PPP1R12A: variants seen among roughly 807,000 people sequenced by gnomAD.
PPP1R12A encodes the protein myosin binding subunit.
PPP1R12A carries 19 observed loss-of-function variants against 139.6 expected under a neutral mutation model. The observed-to-expected ratio is 0.14, with a 90% CI of 0.09 to 0.20. The LOEUF is 0.20. Ranked by LOEUF, PPP1R12A falls within the 10% of genes least tolerant of loss-of-function variation. The probability of loss-of-function intolerance (pLI) is 1.00; values close to 1 mark genes in which losing one functional copy is unlikely to be tolerated. For synonymous variants in PPP1R12A, 427 were observed against 420.6 expected, an observed-to-expected ratio of 1.02 and a Z score of -0.19; for missense variants, 925 against 1,211.5, an observed-to-expected ratio of 0.76 and a Z score of 3.51.
chr12:79,816,988 C>T (rs992714893), intron 9 of PPP1R12A, among the ~76,000 whole-genome samples: 4 of 151,622 alleles, frequency 2.6e-5, no homozygotes, highest in African/African-American at 9.7e-5. Flanking sequence ...TGTAATTTAC[C>T]CGTGTGTGAA....
intron 1 of PPP1R12A, among the ~76,000 whole-genome samples, chr12:79,916,584 CT>C (rs1887012938): frequency 6.6e-6 from 1 of 152,106 alleles, no homozygotes; most frequent in South Asian, 2.1e-4. Context: ...TTATACTTAG[CT>C]TTTCTCTGAA....
chr12:79,914,933 T>C (rs373558234), intron 1 of PPP1R12A, among the ~76,000 whole-genome samples: 3 of 152,244 alleles, frequency 2.0e-5, no homozygotes, highest in African/African-American at 4.8e-5. Flanking sequence ...ATATAGTACC[T>C]GATTCTAATT....
At chr12:79,919,041 G>A (rs1033625791) in intron 1 of PPP1R12A, among the ~76,000 whole-genome samples, 5 of 152,004 alleles carry the variant, frequency 3.3e-5, no homozygotes, top group Admixed American at 2.6e-4. Context: ...ACTTGAACCG[G>A]GGAGGCAGAG....
intron 21 of PPP1R12A, chr12:79,787,273 A>C (rs1397093422): frequency 6.6e-6 from 1 of 152,196 alleles, no homozygotes; most frequent in Non-Finnish European, 1.5e-5. Flanking sequence ...ATGGCCTATA[A>C]GGCACTGCAT....
intron 2 of PPP1R12A, among the ~76,000 whole-genome samples, chr12:79,856,459 T>C (rs1880669082): frequency 6.6e-6 from 1 of 152,260 alleles, no homozygotes; most frequent in Non-Finnish European, 1.5e-5. Context: ...TGCATATTTA[T>C]TTATCCATCC....
intron 2 of PPP1R12A, among the ~76,000 whole-genome samples, chr12:79,850,915 T>G (rs1267103785): frequency 6.6e-6 from 1 of 152,188 alleles, no homozygotes; most frequent in African/African-American, 2.4e-5. Flanking sequence ...TTCCTGAGGC[T>G]TCCCCTGCCA....
At chr12:79,778,501 A>C (rs1287364021) in intron 24 of PPP1R12A, 49 bp downstream of exon 24, 1 of 1,262,918 alleles carries the variant, frequency 7.9e-7, no homozygotes, top group Non-Finnish European at 1.1e-6. Flanking sequence ...TATTTTAAAC[A>C]TTAATACATA....
At chr12:79,813,295 C>T (rs991960958) in intron 9 of PPP1R12A, among the ~76,000 whole-genome samples, 1 of 152,248 alleles carries the variant, frequency 6.6e-6, no homozygotes, top group East Asian at 1.9e-4. Context: ...ACAAGGTTTA[C>T]AAGCCCTTCT....
intron 18 of PPP1R12A, 28 bp from the exon 19 acceptor site, chr12:79,793,956 T>C: frequency 2.0e-6 from 3 of 1,484,604 alleles, no homozygotes; most frequent in Non-Finnish European, 2.7e-6. Flanking sequence ...ATTTATATTT[T>C]AGGAAATTTT....
chr12:79,915,058 CCTT>C (rs1039487981), intron 1 of PPP1R12A, among the ~76,000 whole-genome samples: 2 of 152,046 alleles, frequency 1.3e-5, no homozygotes, highest in Non-Finnish European at 2.9e-5. Flanking sequence ...TGCACAAAAT[CCTT>C]CTACCATTTT....
At position 79,809,802 on chromosome 12, in the gene PPP1R12A, T is replaced by G. The variant is rs777636778; in HGVS notation, c.1448A>C (p.Lys483Thr). The change falls in exon 10 of 25, where the codon AAA (lysine) becomes ACA (threonine). Residue 483 changes from lysine (K) to threonine (T), a missense_variant. By Grantham distance (78) the Lys-to-Thr change is moderately conservative (BLOSUM62 -1). This residue lies in a region of PPP1R12A where 403 missense variants were observed against 463.7 expected (regional missense o/e 0.87). Coordinates refer to ENST00000450142, the MANE Select transcript of PPP1R12A (RefSeq NM_002480.3). Reference protein sequence around the residue: ...SPRLSSSLDNKEKEKDSKGTR... With the variant: ...SPRLSSSLDNTEKEKDSKGTR... ...GACTGTGAAATAGATTACCTTTTCT[T>G]TATTATCCAAAGAGGAGGAAAGTCT... 2 of 1,609,790 alleles carry G rather than the reference T, an allele frequency of 1.2e-6. No homozygotes were observed. The highest frequency in any genetic ancestry group is 1.7e-6 in the Non-Finnish European group (2 of 1,176,850).
intron 1 of PPP1R12A, among the ~76,000 whole-genome samples, chr12:79,913,091 T>A (rs1348225780): frequency 1.3e-5 from 2 of 152,260 alleles, no homozygotes; most frequent in African/African-American, 4.8e-5. Context: ...AATTTGCATT[T>A]CTCTGGTGAA....
chr12:79,824,924 A>T, intron 5 of PPP1R12A: 1 of 152,192 alleles, frequency 6.6e-6, no homozygotes, highest in East Asian at 1.9e-4. Flanking sequence ...TAGAGACATT[A>T]TAAGTCTAAC....
At chr12:79,787,713 T>C (rs1871298090) in intron 21 of PPP1R12A, 1 of 152,348 alleles carries the variant, frequency 6.6e-6, no homozygotes, top group Non-Finnish European at 1.5e-5. Flanking sequence ...GGTTTCTTCA[T>C]GTTGGTCAGG....
chr12:79,797,387 T>C lies in PPP1R12A; in HGVS notation c.2100A>G (p.Thr700=). ...RQSRRSTQGV[T]LTDLQEAEKT... The stretch of plus-strand genomic sequence containing the variant: ...TCTCAGCTTCTTGAAGATCAGTTAA[T>C]GTCACTCCCTGCACACACAAAAAGA... The change falls in exon 16 of 25, where the codon ACA becomes ACG. Residue 700 remains threonine, a synonymous_variant. Transcript: ENST00000450142. The C allele has an allele frequency of 1.3e-6, 2 of 1,597,220 alleles. No homozygotes were observed. The highest frequency in any genetic ancestry group is 1.7e-5 in the Admixed American group (1 of 57,816).
At chr12:79,799,144 T>G (rs774750764) in intron 14 of PPP1R12A, among the ~76,000 whole-genome samples, 2 of 152,102 alleles carry the variant, frequency 1.3e-5, no homozygotes, top group African/African-American at 2.4e-5. Context: ...TAAATCTTTT[T>G]TTTGTTTGTT....
chr12:79,842,273 T>C (rs912844759), intron 3 of PPP1R12A, among the ~76,000 whole-genome samples: 2 of 152,142 alleles, frequency 1.3e-5, no homozygotes, highest in Non-Finnish European at 2.9e-5. Context: ...TGAGCCATGA[T>C]TGTGTCACTG....
intron 1 of PPP1R12A, among the ~76,000 whole-genome samples, chr12:79,880,540 C>A (rs565845072): frequency 1.3e-5 from 2 of 152,252 alleles, no homozygotes; most frequent in African/African-American, 4.8e-5. Context: ...CGAACAGAAT[C>A]TGCTATGTTC....
chr12:79,794,536 TAAA>T (rs759281905), intron 18 of PPP1R12A, among the ~76,000 whole-genome samples: 1 of 151,380 alleles, frequency 6.6e-6, no homozygotes, highest in African/African-American at 2.4e-5. Flanking sequence ...ACACTGCAAT[TAAA>T]AAAAAGTTCA....
Sources: gnomAD v4.1 joint callset for allele counts (sites outside exome capture counted in the v4.1 genomes callset) on GRCh38, gnomAD v4.1.1 for gene constraint, gnomAD v4.1.1 regional missense constraint, MANE v1.5 for transcripts, NCBI Gene and HGNC (gene_info 2026-07-23, HGNC 2026-07-21) for gene names.